SLX9: variants seen among roughly 807,000 people sequenced by gnomAD.
SLX9 encodes ribosome biogenesis protein SLX9 homolog.
Under a neutral mutation model 20.8 loss-of-function variants are expected in SLX9, and 19 were observed. That is an observed-to-expected ratio of 0.91 (90% CI 0.64 to 1.34). The LOEUF (loss-of-function observed/expected upper bound fraction) is 1.34. Ranked by LOEUF, SLX9 falls within the 40% of genes most tolerant of loss-of-function variation. The probability of loss-of-function intolerance (pLI) is 0.00; values close to 1 mark genes in which losing one functional copy is unlikely to be tolerated. For synonymous variants in SLX9, 113 were observed against 137.1 expected (o/e 0.82, Z 1.23); for missense variants, 299 against 322.2 (o/e 0.93, Z 0.55).
chr21:44,966,061 C>G (rs2085028300), intron 3 of SLX9, among the ~76,000 whole-genome samples: 1 of 152,056 alleles, frequency 6.6e-6, no homozygotes, highest in Non-Finnish European at 1.5e-5. Context: ...GGTCTTTGTC[C>G]CAGGTTCTTG....
chr21:44,942,211 G>C (rs1325382858), intron 1 of SLX9, among the ~76,000 whole-genome samples: 2 of 152,192 alleles, frequency 1.3e-5, no homozygotes, highest in Non-Finnish European at 2.9e-5. Context: ...GATCTGGAAG[G>C]CTGCATGCTG....
rs569024805 is a variant in SLX9, at chr21:44,973,157, A to C, written c.501-40A>C. ...CTGCCCACGGGAAGGTGTTTAGGGG[A>C]TGCTGGATGCTGACTCACGTGGCTT... On this transcript the variant is annotated intron_variant, in intron 4 of 5. Coordinates refer to ENST00000291634, the MANE Select transcript of SLX9 (RefSeq NM_058190.4). 9.0e-5 allele frequency: 145 copies of C among 1,611,508 alleles called. 3 individuals carry two copies. The East Asian group carries it at 2.0e-3, about 23-fold the overall frequency.
intron 2 of SLX9, among the ~76,000 whole-genome samples, chr21:44,946,426 C>A (rs1215538702): frequency 6.7e-6 from 1 of 150,186 alleles, no homozygotes; most frequent in Non-Finnish European, 1.5e-5. Flanking sequence ...TTGAGGGGCA[C>A]GAGGATGGGA....
intron 2 of SLX9, among the ~76,000 whole-genome samples, chr21:44,953,823 C>A (rs531174385): frequency 6.6e-6 from 1 of 152,312 alleles, no homozygotes; most frequent in African/African-American, 2.4e-5. Context: ...CTCTTCCCTG[C>A]GGTGCTGCTG....
chr21:44,975,494 C>A (rs1406035390), intron 5 of SLX9, among the ~76,000 whole-genome samples: 1 of 152,262 alleles, frequency 6.6e-6, no homozygotes, highest in Non-Finnish European at 1.5e-5. Flanking sequence ...CCTGCAGCCC[C>A]TCCCCGTGCA....
At chr21:44,948,743 C>A (rs2084697944) in intron 2 of SLX9, among the ~76,000 whole-genome samples, 1 of 152,234 alleles carries the variant, frequency 6.6e-6, no homozygotes, top group East Asian at 1.9e-4. Flanking sequence ...TGGCCAGATA[C>A]CTGTGGCCGG....
intron 2 of SLX9, among the ~76,000 whole-genome samples, chr21:44,946,410 C>T (rs998914402): frequency 1.6e-4 from 24 of 152,228 alleles, no homozygotes; most frequent in African/African-American, 5.8e-4. Flanking sequence ...TTTCCCATAG[C>T]CCGCCTTGAG....
chr21:44,973,207 A>G lies in SLX9; in HGVS notation c.511A>G (p.Asn171Asp), dbSNP rs146094101. 7.4e-5 allele frequency: 119 copies of G among 1,613,004 alleles called. No homozygotes were observed. Among genetic ancestry groups the G allele is most frequent in the Non-Finnish European group, 9.6e-5 (113 of 1,179,758 alleles). ...SRRQARSRES[N>D]KPRPSELSRM... The stretch of plus-strand genomic sequence containing the variant: ...TCTCTGTGTCCACAGCAGGGAGAGC[A>G]ACAAGCCCCGGCCCTCAGAGCTCAG... The change falls in exon 5 of 6, where the codon AAC becomes GAC. Residue 171 changes from asparagine to aspartate, a missense_variant. Coordinates refer to ENST00000291634, the MANE Select transcript of SLX9 (RefSeq NM_058190.4).
At chr21:44,960,252 G>A (rs1034420194) in intron 3 of SLX9, 84 bp downstream of exon 3, 48 of 1,304,944 alleles carry the variant, frequency 3.7e-5, no homozygotes, top group Non-Finnish European at 4.5e-5. Flanking sequence ...CTCACATCTG[G>A]CCTTCTACAT....
At chr21:44,967,438 G>A (rs1052265745) in intron 4 of SLX9, among the ~76,000 whole-genome samples, 7 of 152,254 alleles carry the variant, frequency 4.6e-5, no homozygotes, top group East Asian at 1.9e-4. Flanking sequence ...TGCTGATGCC[G>A]AGCTCCCTCA....
At chr21:44,950,951 C>T (rs2084746185) in intron 2 of SLX9, among the ~76,000 whole-genome samples, 1 of 152,178 alleles carries the variant, frequency 6.6e-6, no homozygotes, top group South Asian at 2.1e-4. Flanking sequence ...GCACCTGTGC[C>T]TGAGGATCAC....
Position 44,967,136 on chromosome 21 carries a change from C to T in SLX9, c.455C>T (p.Pro152Leu). The T allele has an allele frequency of 6.2e-7, 1 of 1,605,278 alleles. No homozygotes were observed. The highest frequency in any genetic ancestry group is 8.5e-7 in the Non-Finnish European group (1 of 1,176,200). The change falls in exon 4 of 6, where the codon CCC (proline) becomes CTC (leucine). Residue 152 changes from proline to leucine, a missense_variant. Physicochemically the swap from Pro to Leu is moderately conservative, Grantham distance 98. Coordinates refer to ENST00000291634, the MANE Select transcript of SLX9 (RefSeq NM_058190.4). ...CTGCACCCTCTCAGGGATGCCCTGC[C>T]CGAGCTGCTGGGGCTCGAGGCTGGC... ...GDLHPLRDAL[P>L]ELLGLEAGSR...
intron 1 of SLX9, among the ~76,000 whole-genome samples, chr21:44,941,321 C>T (rs374661785): frequency 6.6e-5 from 10 of 152,164 alleles, no homozygotes; most frequent in African/African-American, 2.4e-4. Context: ...GAAAATTGGG[C>T]ATTTTGGATA....
intron 2 of SLX9, among the ~76,000 whole-genome samples, chr21:44,947,624 T>C (rs1338067470): frequency 6.8e-6 from 1 of 146,580 alleles, no homozygotes; most frequent in Non-Finnish European, 1.5e-5. Context: ...TATGTTTTTT[T>C]TCAAGCCCTT....
At chr21:44,939,889 A>C, upstream of SLX9, 2 of 635,352 alleles carry the variant, frequency 3.1e-6, no homozygotes, top group Non-Finnish European at 5.1e-6. Context: ...TGAAAGGCGG[A>C]GCGCCGCCAC....
intron 2 of SLX9, among the ~76,000 whole-genome samples, chr21:44,955,081 T>C (rs1442078109): frequency 6.6e-6 from 1 of 151,614 alleles, no homozygotes; most frequent in Non-Finnish European, 1.5e-5. Context: ...CTGGGTGTGG[T>C]GGTGTGTGCC....
chr21:44,971,025 G>C (rs36192003), intron 4 of SLX9, among the ~76,000 whole-genome samples: 1 of 152,002 alleles, frequency 6.6e-6, no homozygotes, highest in Non-Finnish European at 1.5e-5. Flanking sequence ...CTCCTGGCTG[G>C]GAAGCAGGCA....
At chr21:44,945,484 CCT>C (rs2084625602) in intron 2 of SLX9, among the ~76,000 whole-genome samples, 1 of 152,180 alleles carries the variant, frequency 6.6e-6, no homozygotes, top group East Asian at 1.9e-4. Flanking sequence ...CCTTCAAGCC[CCT>C]GTGGCTCATC....
chr21:44,950,653 G>A (rs1266001778), intron 2 of SLX9, among the ~76,000 whole-genome samples: 1 of 152,248 alleles, frequency 6.6e-6, no homozygotes, highest in Non-Finnish European at 1.5e-5. Flanking sequence ...GCGTGGCCCT[G>A]TTGGTGGCGC....
Sources: allele counts gnomAD v4.1 joint callset (sites outside exome capture counted in the v4.1 genomes callset), GRCh38; gene constraint gnomAD v4.1.1; transcripts MANE v1.5; gene names NCBI Gene and HGNC (gene_info 2026-07-23, HGNC 2026-07-21).